TANC2: variants seen among roughly 807,000 people sequenced by gnomAD.
TANC2 encodes the protein tetratricopeptide repeat, ankyrin repeat and coiled-coil containing 2.
In TANC2, 26 loss-of-function variants were observed where a neutral mutation model predicts 210.5. The observed-to-expected ratio is 0.12, with a 90% CI of 0.09 to 0.17. TANC2 has a LOEUF of 0.17. Ranked by LOEUF, TANC2 falls within the 10% of genes least tolerant of loss-of-function variation. The probability of loss-of-function intolerance (pLI) is 1.00; values close to 1 mark genes in which losing one functional copy is unlikely to be tolerated. For synonymous variants in TANC2, 931 were observed against 967.1 expected, an observed-to-expected ratio of 0.96 and a Z score of 0.69; for missense variants, 2,129 against 2,608.9, an observed-to-expected ratio of 0.82 and a Z score of 4.01.
intron 4 of TANC2, among the ~76,000 whole-genome samples, chr17:63,140,134 A>G (rs2039235359): frequency 6.6e-6 from 1 of 152,230 alleles, no homozygotes; most frequent in African/African-American, 2.4e-5. Flanking sequence ...TAACTAGAAC[A>G]TTAATCTGGC....
At position 63,420,060 on chromosome 17, in the gene TANC2, G is replaced by A; in HGVS notation, c.4330G>A (p.Glu1444Lys). The A allele has an allele frequency of 1.3e-6, 2 of 1,552,226 alleles. No individual in the cohort carries two copies. The highest frequency in any genetic ancestry group is 1.2e-5 in the South Asian group (1 of 84,056). Residue 1444 changes from glutamate to lysine, a missense_variant, in exon 28 of 28, where the codon GAG (glutamate) becomes AAG (lysine). Physicochemically the swap from Glu to Lys is moderately conservative, Grantham distance 56. Around this residue, in one of 5 missense-constraint regions of TANC2, gnomAD observed 584 missense variants for 627.3 expected, o/e 0.93. Coordinates refer to ENST00000689528, the Ensembl canonical transcript of TANC2. The surrounding 1 kb of genome is among the most constrained non-coding windows in gnomAD (Gnocchi z 4.2). The stretch of plus-strand genomic sequence containing the variant: ...CATCAAGCTGTGTCCCAACAACCGT[G>A]AGATCCAGAGACTTCTGCTGAGAGT...
At chr17:63,364,080 C>T (rs1410075957) in intron 14 of TANC2, among the ~76,000 whole-genome samples, 1 of 152,178 alleles carries the variant, frequency 6.6e-6, no homozygotes, top group Admixed American at 6.5e-5. Context: ...CACTTTCTAA[C>T]CCCCTATTGG....
At chr17:63,282,199 T>G (rs939526173) in intron 9 of TANC2, among the ~76,000 whole-genome samples, 7 of 151,910 alleles carry the variant, frequency 4.6e-5, no homozygotes, top group Non-Finnish European at 8.8e-5. Context: ...AAAATAAAAT[T>G]TATGAACCCC....
chr17:63,355,964 A>G (rs1567947451), intron 14 of TANC2, among the ~76,000 whole-genome samples: 3 of 152,250 alleles, frequency 2.0e-5, no homozygotes, highest in East Asian at 1.9e-4. Flanking sequence ...CATTATCTCC[A>G]TTTTGCTATA....
intron 4 of TANC2, among the ~76,000 whole-genome samples, chr17:63,102,860 T>C (rs550094687): frequency 2.0e-4 from 31 of 152,324 alleles, no homozygotes; most frequent in Admixed American, 7.8e-4. Flanking sequence ...AATATTTTTC[T>C]TAAAAAAACC....
intron 3 of TANC2, among the ~76,000 whole-genome samples, chr17:63,083,562 T>C (rs1384769809): frequency 1.3e-5 from 2 of 152,154 alleles, no homozygotes; most frequent in Non-Finnish European, 2.9e-5. Context: ...AGTAGATACT[T>C]CTCTGAGTTT....
chr17:63,413,237 T>C, intron 24 of TANC2: 1 of 277,612 alleles, frequency 3.6e-6, no homozygotes, highest in Non-Finnish European at 6.7e-6. Context: ...TCCTCCCAAT[T>C]CCTTATTTAA....
At chr17:63,122,416 A>G (rs941227525) in intron 4 of TANC2, among the ~76,000 whole-genome samples, 6 of 152,202 alleles carry the variant, frequency 3.9e-5, no homozygotes, top group Non-Finnish European at 5.9e-5. Context: ...ATGAAGTATG[A>G]AAGAAATCAT....
intron 11 of TANC2, among the ~76,000 whole-genome samples, chr17:63,336,486 T>G (rs187587681): frequency 7.3e-4 from 111 of 152,338 alleles, no homozygotes; most frequent in African/African-American, 2.5e-3. Context: ...TTGATGAAGT[T>G]TATGACTAGT....
chr17:63,181,508 A>G (rs2040783538), intron 5 of TANC2, among the ~76,000 whole-genome samples: 1 of 152,254 alleles, frequency 6.6e-6, no homozygotes, highest in Admixed American at 6.5e-5. Flanking sequence ...GAACATTTCA[A>G]CAAGCCAGCA....
At chr17:63,029,123 T>C (rs1160311200) in intron 2 of TANC2, among the ~76,000 whole-genome samples, 2 of 152,088 alleles carry the variant, frequency 1.3e-5, no homozygotes, top group African/African-American at 4.8e-5. Flanking sequence ...ATGTTTATTA[T>C]GCACCATGTT....
At chr17:63,173,367 T>G (rs2040474800) in intron 5 of TANC2, among the ~76,000 whole-genome samples, 1 of 152,134 alleles carries the variant, frequency 6.6e-6, no homozygotes, top group Admixed American at 6.5e-5. Context: ...TAGCAGACAG[T>G]CCAAGAAGAT....
At chr17:63,200,174 G>T (rs1442285502) in intron 6 of TANC2, among the ~76,000 whole-genome samples, 1 of 151,838 alleles carries the variant, frequency 6.6e-6, no homozygotes, top group Non-Finnish European at 1.5e-5. Context: ...TGGCCAACAT[G>T]GTGAAACCCC....
At chr17:63,340,940 T>G (rs145854225) in intron 12 of TANC2, among the ~76,000 whole-genome samples, 1 of 152,320 alleles carries the variant, frequency 6.6e-6, no homozygotes, top group African/African-American at 2.4e-5. Flanking sequence ...TTTCCTCCCT[T>G]TTTCCTCTGC....
intron 8 of TANC2, among the ~76,000 whole-genome samples, chr17:63,243,956 C>G (rs1395644802): frequency 1.3e-5 from 2 of 152,198 alleles, no homozygotes; most frequent in East Asian, 3.9e-4. Flanking sequence ...AAGAAAAATG[C>G]ATGCCTTTTA....
chr17:63,353,437 G>A (rs2046680765), intron 13 of TANC2, among the ~76,000 whole-genome samples: 1 of 152,026 alleles, frequency 6.6e-6, no homozygotes, highest in Admixed American at 6.6e-5. Context: ...TTTGTGGCGG[G>A]GGACAAAATT....
At chr17:63,055,917 C>G (rs1348824604) in intron 2 of TANC2, among the ~76,000 whole-genome samples, 1 of 132,916 alleles carries the variant, frequency 7.5e-6, no homozygotes, top group East Asian at 2.4e-4. Flanking sequence ...CACTTGAGCT[C>G]AGGAGTTTGA....
intron 4 of TANC2, among the ~76,000 whole-genome samples, chr17:63,124,664 A>G (rs570600690): frequency 6.6e-6 from 1 of 152,326 alleles, no homozygotes; most frequent in African/African-American, 2.4e-5. Context: ...AGGGATCCCC[A>G]ACGCTCAGGC....
chr17:63,204,201 A>G (rs1028204064), intron 7 of TANC2, among the ~76,000 whole-genome samples: 1 of 152,104 alleles, frequency 6.6e-6, no homozygotes, highest in Non-Finnish European at 1.5e-5. Context: ...TAAAGATGAA[A>G]AATCCAAAAA....
Sources: allele counts gnomAD v4.1 joint callset (sites outside exome capture counted in the v4.1 genomes callset), GRCh38; gene constraint gnomAD v4.1.1; regional missense constraint gnomAD v4.1.1; non-coding constraint Gnocchi (gnomAD v3.1); transcripts MANE v1.5; gene names NCBI Gene and HGNC (gene_info 2026-07-23, HGNC 2026-07-21).